GPAM: variants seen among roughly 807,000 people sequenced by gnomAD.
GPAM encodes the protein glycerol-3-phosphate acyltransferase, mitochondrial.
GPAM carries 56 observed loss-of-function variants against 105.0 expected under a neutral mutation model. That is an observed-to-expected ratio of 0.53 (90% CI 0.43 to 0.67). The LOEUF is 0.67. Among genes scored for constraint, GPAM ranks in the 30% least tolerant of loss-of-function variants. The probability of loss-of-function intolerance (pLI) is 0.00; values close to 1 mark genes in which losing one functional copy is unlikely to be tolerated. For synonymous variants in GPAM, 368 were observed against 354.4 expected (o/e 1.04, Z -0.43); for missense variants, 855 against 989.8 (o/e 0.86, Z 1.83).
intron 9 of GPAM, among the ~76,000 whole-genome samples, chr10:112,171,017 A>G (rs1483186965): frequency 6.6e-6 from 1 of 152,184 alleles, no homozygotes; most frequent in Admixed American, 6.5e-5. Context: ...CCATCTTGTG[A>G]AGCTCCACCT....
Position 112,191,136 on chromosome 10 carries a change from T to C in GPAM, n.211-8245A>G, listed in dbSNP as rs540780171. Among the ~76,000 whole-genome samples the C allele has an allele frequency of 5.3e-5, 8 of 152,302 alleles. No individual in the cohort carries two copies. In the South Asian group the frequency reaches 1.4e-3, roughly 28 times the overall value. On this transcript the variant is annotated intron_variant and non_coding_transcript_variant, in intron 1 of 3. Transcript: ENST00000480130. Reference sequence around the variant, plus strand: ...AGCACATTTTCCTGGACACTGAAGTTAGTTATAACAAGACATAGTGTTCAA... The same window carrying C: ...AGCACATTTTCCTGGACACTGAAGTCAGTTATAACAAGACATAGTGTTCAA...
chr10:112,182,017 A>G (rs1207547004), intron 2 of GPAM, among the ~76,000 whole-genome samples: 1 of 152,190 alleles, frequency 6.6e-6, no homozygotes, highest in East Asian at 1.9e-4. Flanking sequence ...AGAAAAAAAA[A>G]AAATCAGCAT....
intron 3 of GPAM, among the ~76,000 whole-genome samples, chr10:112,181,016 C>T (rs1847498095): frequency 6.6e-6 from 1 of 152,060 alleles, no homozygotes; most frequent in African/African-American, 2.4e-5. Context: ...AACAGGTAAA[C>T]TTATATAACA....
chr10:112,210,300 T>G (rs908528828), intron 1 of GPAM, among the ~76,000 whole-genome samples: 1 of 152,230 alleles, frequency 6.6e-6, no homozygotes, highest in African/African-American at 2.4e-5. Flanking sequence ...GCATAGCATC[T>G]CTGTCCCTTT....
intron 10 of GPAM, 130 bp downstream of exon 10, chr10:112,168,723 A>G: frequency 1.3e-6 from 1 of 765,204 alleles, no homozygotes; most frequent in South Asian, 1.5e-5. Context: ...ACAAATTACC[A>G]AACTCAAGCA....
rs1329618236 is a variant in GPAM, at chr10:112,172,223, T to A, written c.753A>T (p.Pro251=). The change falls in exon 9 of 22, where the codon CCA becomes CCT. Residue 251 remains proline, a synonymous_variant. Coordinates refer to ENST00000348367, the MANE Select transcript of GPAM (RefSeq NM_001244949.2). ...FILFCHNIKA[P]YIASGNNLNI... ...TGAGATTATTGCCTGAAGCAATGTA[T>A]GGTGCTTTGATGTTATGGCAGAAGA... is the stretch of plus-strand genomic sequence containing the variant. The A allele has an allele frequency of 6.2e-7, 1 of 1,608,088 alleles. No individual in the cohort carries two copies. The highest frequency in any genetic ancestry group is 8.5e-7 in the Non-Finnish European group (1 of 1,174,686).
At chr10:112,172,892 A>G in intron 8 of GPAM, 78 bp downstream of exon 8, 2 of 825,626 alleles carry the variant, frequency 2.4e-6, no homozygotes, top group Non-Finnish European at 4.3e-6. Flanking sequence ...AGTACACAAG[A>G]AAACATTTCC....
At chr10:112,200,839 T>A (rs1420073940) in intron 1 of GPAM, among the ~76,000 whole-genome samples, 1 of 152,154 alleles carries the variant, frequency 6.6e-6, no homozygotes, top group Non-Finnish European at 1.5e-5. Flanking sequence ...CTGGAGGCAG[T>A]TTGAGCAACT....
intron 1 of GPAM, among the ~76,000 whole-genome samples, chr10:112,198,307 C>G (rs1420669698): frequency 6.6e-6 from 1 of 152,180 alleles, no homozygotes; most frequent in Non-Finnish European, 1.5e-5. Context: ...ATTTCAGAAT[C>G]ACAGCGTTCT....
In GPAM at chr10:112,149,920, T is replaced by C. The variant is rs1846885352; in HGVS notation, c.*3630A>G. 6.1e-6 allele frequency: 6 copies of C among 985,560 alleles called. No homozygotes were observed. In the South Asian group the frequency reaches 2.4e-4, roughly 39 times the overall value. The allele number at this position is 985,560 out of a possible 1,614,324, so 61.1% of individuals were successfully genotyped here. On this transcript the variant is annotated 3_prime_UTR_variant, in exon 22 of 22. Transcript: ENST00000348367. ...ACTACATTTTCTGTGTTTCTTGCAATACACTAACAAGCATAAAAATCAATC... is the reference window on the plus strand; with the variant it reads ...ACTACATTTTCTGTGTTTCTTGCAACACACTAACAAGCATAAAAATCAATC...
intron 1 of GPAM, among the ~76,000 whole-genome samples, chr10:112,190,690 T>C (rs1487611960): frequency 6.6e-6 from 1 of 152,200 alleles, no homozygotes; most frequent in Non-Finnish European, 1.5e-5. Context: ...AGCATAGTGC[T>C]GGCTGGAAAT....
rs759546070 is a variant in GPAM, at chr10:112,151,555, G to C, written c.*1995C>G. The C allele has an allele frequency of 1.0e-6, 1 of 985,464 alleles. No individual in the cohort carries two copies. Among genetic ancestry groups the C allele is most frequent in the East Asian group, 1.1e-4 (1 of 8,826 alleles). 61.0% of individuals were successfully genotyped at this position (985,464 alleles called of 1,614,324 possible). On this transcript the variant is annotated 3_prime_UTR_variant, in exon 22 of 22. Coordinates refer to ENST00000348367, the MANE Select transcript of GPAM (RefSeq NM_001244949.2). ...ATTGCATTCCCCAAAGCATCTGAAC[G>C]TACTTCTAGAAAACAAACCAACCAA...
Position 112,191,368 on chromosome 10 carries a change from G to A in GPAM, n.211-8477C>T, listed in dbSNP as rs149916304. Among the ~76,000 whole-genome samples, 255 of 152,276 alleles carry A rather than the reference G, an allele frequency of 1.7e-3. 1 individual carries two copies. The highest frequency in any genetic ancestry group is 5.7e-3 in the African/African-American group (235 of 41,560). ...GTTCAACTCCCCAGGAAGAAAGCAC[G>A]GTGGGAACTAGGTAGTATTTCACGC... On this transcript the variant is annotated intron_variant and non_coding_transcript_variant, in intron 1 of 3. Transcript: ENST00000480130.
At chr10:112,189,931 G>C (rs960498786) in intron 1 of GPAM, among the ~76,000 whole-genome samples, 3 of 151,982 alleles carry the variant, frequency 2.0e-5, no homozygotes, top group Admixed American at 6.6e-5. Context: ...TAATGAAATG[G>C]GCAGCTTAGA....
intron 1 of GPAM, among the ~76,000 whole-genome samples, chr10:112,210,811 C>T (rs1847902662): frequency 6.6e-6 from 1 of 152,188 alleles, no homozygotes; most frequent in Non-Finnish European, 1.5e-5. Flanking sequence ...TAAGAGCTCA[C>T]AATAGACACT....
At chr10:112,215,682 G>C (rs1847960188), upstream of GPAM, among the ~76,000 whole-genome samples, 1 of 144,572 alleles carries the variant, frequency 6.9e-6, no homozygotes, top group Non-Finnish European at 1.5e-5. Context: ...TGGGGCGTCA[G>C]GCTCCGGGCC....
intron 1 of GPAM, among the ~76,000 whole-genome samples, chr10:112,196,279 T>TA (rs1406283854): frequency 6.6e-6 from 1 of 152,236 alleles, no homozygotes; most frequent in African/African-American, 2.4e-5. Flanking sequence ...ATTCTTTTTC[T>TA]AATGAGTTCA....
At chr10:112,210,141 TG>T (rs1847895416) in intron 1 of GPAM, among the ~76,000 whole-genome samples, 1 of 152,250 alleles carries the variant, frequency 6.6e-6, no homozygotes, top group Admixed American at 6.5e-5. Flanking sequence ...ATAGCAAGGC[TG>T]AAGTTCTGGG....
At chr10:112,175,738 G>A (rs954543179) in intron 5 of GPAM, 25 bp from the exon 6 acceptor site, 5 of 1,370,350 alleles carry the variant, frequency 3.6e-6, no homozygotes, top group East Asian at 2.3e-5. Flanking sequence ...TAGCAGAGAA[G>A]TATTAGAGGT....
Sources: gnomAD v4.1 joint callset for allele counts (sites outside exome capture counted in the v4.1 genomes callset) on GRCh38, gnomAD v4.1.1 for gene constraint, MANE v1.5 for transcripts, NCBI Gene and HGNC (gene_info 2026-07-23, HGNC 2026-07-21) for gene names.